Variants in SENP5 observed in about 807,000 individuals in gnomAD.
The protein encoded by SENP5 is sentrin-specific protease 5.
SENP5 carries 21 observed loss-of-function variants against 74.2 expected under a neutral mutation model. The ratio of observed to expected loss-of-function variants is 0.28; its 90% CI spans 0.20 to 0.41. SENP5 has a LOEUF of 0.41. SENP5 is among the 10% of genes least tolerant of loss of function. SENP5 has a pLI of 1.00. For missense variants in SENP5, 717 were observed against 889.1 expected, an observed-to-expected ratio of 0.81 and a Z score of 2.46; for synonymous variants, 311 against 312.7, an observed-to-expected ratio of 0.99 and a Z score of 0.06.
chr3:196,904,562 C>T (rs923793872), intron 6 of SENP5, among the ~76,000 whole-genome samples: 1 of 151,820 alleles, frequency 6.6e-6, no homozygotes, highest in East Asian at 1.9e-4. Context: ...CTGAGGTGGG[C>T]GGATCACTGA....
Position 196,878,672 on chromosome 3 carries a change from A to G in SENP5, c.-31-6479A>G, listed in dbSNP as rs1415336615. The stretch of plus-strand genomic sequence containing the variant: ...GGTGGCATGATCTCCGCTCACTGCA[A>G]TCTCCGTCTCTCGGGTTCAAGTGAC... On this transcript the variant is annotated intron_variant, in intron 1 of 9. Coordinates refer to ENST00000323460, the MANE Select transcript of SENP5 (RefSeq NM_152699.5). Among the ~76,000 whole-genome samples, 3 of 152,102 alleles carry G rather than the reference A, an allele frequency of 2.0e-5. No individual in the cohort carries two copies. In the South Asian group the frequency reaches 6.2e-4, roughly 32 times the overall value.
intron 1 of SENP5, among the ~76,000 whole-genome samples, chr3:196,869,722 A>ACACTC (rs1490555370): frequency 7.5e-6 from 1 of 133,592 alleles, no homozygotes. Flanking sequence ...TAGTGCCATT[A>ACACTC]CACTCCAGCC....
At chr3:196,908,028 G>T (rs1714977129) in intron 6 of SENP5, among the ~76,000 whole-genome samples, 1 of 152,144 alleles carries the variant, frequency 6.6e-6, no homozygotes, top group African/African-American at 2.4e-5. Context: ...TGAACACTTT[G>T]GGAGGCCTAA....
At chr3:196,928,954 C>T (rs1715916932) in intron 8 of SENP5, among the ~76,000 whole-genome samples, 1 of 152,094 alleles carries the variant, frequency 6.6e-6, no homozygotes, top group Non-Finnish European at 1.5e-5. Flanking sequence ...CTTTGGGAGG[C>T]AAAGGTGCGT....
chr3:196,912,308 A>G (rs1293897959), intron 6 of SENP5, among the ~76,000 whole-genome samples: 2 of 152,188 alleles, frequency 1.3e-5, no homozygotes, highest in Admixed American at 1.3e-4. Flanking sequence ...ATCCTCAGCA[A>G]ACTAACAGAG....
intron 1 of SENP5, among the ~76,000 whole-genome samples, chr3:196,880,517 A>T (rs1713676261): frequency 6.6e-6 from 1 of 152,128 alleles, no homozygotes; most frequent in African/African-American, 2.4e-5. Flanking sequence ...ACTGAGACTC[A>T]ATCCAGGATT....
rs756736391 is a variant in SENP5, at chr3:196,927,915, C to A, written c.2106+36C>A. ...GATAACAATGAAACCCAGGCATGTC[C>A]AGGGGATGGAATTATCTAAGGGTGG... On this transcript the variant is annotated intron_variant, in intron 8 of 9. Transcript: ENST00000323460. 4 of 1,350,080 alleles carry A rather than the reference C, an allele frequency of 3.0e-6. No individual in the cohort carries two copies. The African/African-American group carries it at 4.3e-5, about 15-fold the overall frequency. The allele number at this position is 1,350,080 out of a possible 1,614,324, so 83.6% of individuals were successfully genotyped here. A position where few individuals can be genotyped will look rare whatever the true frequency, so the allele number is the denominator to read the frequency against.
intron 9 of SENP5, among the ~76,000 whole-genome samples, chr3:196,930,001 A>C (rs1355278527): frequency 2.6e-5 from 4 of 152,226 alleles, no homozygotes; most frequent in South Asian, 4.1e-4. Context: ...AAAAAAAAAA[A>C]AAAAACATTG....
At chr3:196,874,650 T>G (rs7652338) in intron 1 of SENP5, among the ~76,000 whole-genome samples, 34,288 of 151,902 alleles carry the variant, frequency 0.23, 4,009 homozygotes, top group African/African-American at 0.29. Flanking sequence ...GGAGGCTGAG[T>G]TGGGTGGATC....
At position 196,885,626 on chromosome 3, in the gene SENP5, T is replaced by G. The variant is rs1464642876; in HGVS notation, c.445T>G (p.Leu149Val). 1 of 1,614,202 alleles carries G rather than the reference T, an allele frequency of 6.2e-7. No individual in the cohort carries two copies. Among genetic ancestry groups the G allele is most frequent in the East Asian group, 2.2e-5 (1 of 44,880 alleles). The change falls in exon 2 of 10, where the codon TTA becomes GTA. Residue 149 changes from leucine to valine, a missense_variant. Leu to Val is a conservative substitution (Grantham distance 32, BLOSUM62 1). Coordinates refer to ENST00000323460, the MANE Select transcript of SENP5 (RefSeq NM_152699.5). ...TACTGACTTTCCATCAAATAGTGCT[T>G]TAGGTCAGGCCAATGGTCACAGACC... The part of the protein sequence containing the change: ...AVTDFPSNSA[L>V]GQANGHRPRT...
intron 6 of SENP5, among the ~76,000 whole-genome samples, chr3:196,917,973 A>G (rs922668525): frequency 6.6e-6 from 1 of 152,234 alleles, no homozygotes; most frequent in African/African-American, 2.4e-5. Context: ...AAGCCTATCA[A>G]AAATTATAAT....
intron 7 of SENP5, 115 bp downstream of exon 7, chr3:196,923,666 A>G: frequency 1.5e-6 from 1 of 667,654 alleles, no homozygotes; most frequent in Non-Finnish European, 2.5e-6. Flanking sequence ...ATGTCATGAA[A>G]ATCCTCCAAA....
intron 6 of SENP5, among the ~76,000 whole-genome samples, chr3:196,920,487 T>G (rs1467498136): frequency 6.6e-6 from 1 of 152,234 alleles, no homozygotes; most frequent in Non-Finnish European, 1.5e-5. Context: ...TAGTGACAGT[T>G]TTATTTCATT....
intron 6 of SENP5, 38 bp downstream of exon 6, chr3:196,903,648 C>T (rs768232015): frequency 1.2e-5 from 16 of 1,343,444 alleles, no homozygotes; most frequent in East Asian, 2.3e-5. Flanking sequence ...AAATTTGAAA[C>T]GCAGATGATA....
At chr3:196,904,406 G>A (rs1396274622) in intron 6 of SENP5, among the ~76,000 whole-genome samples, 1 of 152,226 alleles carries the variant, frequency 6.6e-6, no homozygotes, top group Non-Finnish European at 1.5e-5. Flanking sequence ...TTACACACAT[G>A]AGATCAGGGA....
At chr3:196,895,037 T>C (rs1337333164) in intron 2 of SENP5, among the ~76,000 whole-genome samples, 1 of 152,232 alleles carries the variant, frequency 6.6e-6, no homozygotes, top group Non-Finnish European at 1.5e-5. Context: ...AGGTATGCAC[T>C]GTGTTTTGTT....
In SENP5 at chr3:196,899,703, G is replaced by T. The variant is rs75672054; in HGVS notation, c.1551G>T (p.Leu517Phe). Residue 517 changes from leucine to phenylalanine, a missense_variant, in exon 3 of 10, where the codon TTG becomes TTT. Physicochemically the swap from Leu to Phe is conservative, Grantham distance 22. Transcript: ENST00000323460. ...AGGTTATGAAGAAGTATGGCAGTTT[G>T]GTTCCACTCAGTGAAAAAGAAGTCC... The part of the protein sequence containing the change: ...LDEVMKKYGS[L>F]VPLSEKEVLG... 1 of 1,610,470 alleles carries T rather than the reference G, an allele frequency of 6.2e-7. No individual in the cohort carries two copies. The highest frequency in any genetic ancestry group is 8.5e-7 in the Non-Finnish European group (1 of 1,177,036).
intron 2 of SENP5, among the ~76,000 whole-genome samples, chr3:196,887,260 AC>A (rs1714012661): frequency 6.6e-6 from 1 of 151,540 alleles, no homozygotes; most frequent in Non-Finnish European, 1.5e-5. Context: ...GCTCACCACA[AC>A]CTCCACCTCC....
chr3:196,868,705 G>C (rs1426591808), intron 1 of SENP5, among the ~76,000 whole-genome samples: 1 of 152,198 alleles, frequency 6.6e-6, no homozygotes, highest in Non-Finnish European at 1.5e-5. Flanking sequence ...TCTCATGCTA[G>C]ATAGACATTT....
Sources: allele counts gnomAD v4.1 joint callset (sites outside exome capture counted in the v4.1 genomes callset), GRCh38; gene constraint gnomAD v4.1.1; transcripts MANE v1.5; gene names NCBI Gene and HGNC (gene_info 2026-07-23, HGNC 2026-07-21).